The following NRG1 variants were observed in gnomAD, a reference collection of about 807,000 sequenced individuals.
NRG1 encodes pro-neuregulin-1, membrane-bound isoform.
Under a neutral mutation model 63.8 loss-of-function variants are expected in NRG1, and 18 were observed. The ratio of observed to expected loss-of-function variants is 0.28; its 90% CI spans 0.19 to 0.42. The LOEUF (loss-of-function observed/expected upper bound fraction) is 0.42, where lower values mean the gene tolerates loss of function less well. NRG1 is among the 10% of genes least tolerant of loss of function. NRG1 has a pLI of 1.00. For synonymous variants in NRG1, 302 were observed against 301.3 expected, an observed-to-expected ratio of 1.00 and a Z score of -0.02; for missense variants, 762 against 814.7, an observed-to-expected ratio of 0.94 and a Z score of 0.79.
intron 1 of NRG1, among the ~76,000 whole-genome samples, chr8:32,426,178 A>G (rs974770222): frequency 6.6e-6 from 1 of 152,170 alleles, no homozygotes; most frequent in African/African-American, 2.4e-5. Context: ...AGGTAACTTC[A>G]TTTAGGGCAA....
At chr8:32,203,878 T>C (rs553954338) in intron 1 of NRG1, among the ~76,000 whole-genome samples, 1 of 152,146 alleles carries the variant, frequency 6.6e-6, no homozygotes, top group East Asian at 1.9e-4. Context: ...GATCCAGTAA[T>C]ACCCATGGAT....
intron 1 of NRG1, among the ~76,000 whole-genome samples, chr8:31,802,908 A>G (rs1821926893): frequency 6.6e-6 from 1 of 152,220 alleles, no homozygotes; most frequent in African/African-American, 2.4e-5. Flanking sequence ...AGAAGGAAAT[A>G]AACAATTTTT....
intron 1 of NRG1, among the ~76,000 whole-genome samples, chr8:32,025,873 G>A (rs1179326117): frequency 6.7e-5 from 10 of 149,784 alleles, no homozygotes; most frequent in South Asian, 2.1e-4. Flanking sequence ...GTGAACCCGG[G>A]AGGCGGAGCT....
intron 2 of NRG1, among the ~76,000 whole-genome samples, chr8:32,600,192 C>T (rs143585710): frequency 1.6e-3 from 242 of 152,042 alleles, no homozygotes; most frequent in African/African-American, 5.6e-3. Context: ...ATCTCTTGAG[C>T]GCAGGAGTTC....
chr8:32,633,850 G>A (rs115716371), intron 5 of NRG1, among the ~76,000 whole-genome samples: 146 of 152,086 alleles, frequency 9.6e-4, no homozygotes, highest in African/African-American at 3.2e-3. Flanking sequence ...TTAAGGCCGG[G>A]AGCAGTAGTC....
intron 1 of NRG1, among the ~76,000 whole-genome samples, chr8:32,245,645 T>C (rs1848525546): frequency 6.6e-6 from 1 of 152,146 alleles, no homozygotes; most frequent in Admixed American, 6.6e-5. Flanking sequence ...CCTCTTTTGA[T>C]CAAAAATAAT....
intron 5 of NRG1, chr8:32,647,049 A>G: frequency 1.0e-6 from 1 of 956,962 alleles, no homozygotes; most frequent in South Asian, 4.8e-5. Flanking sequence ...GGTGGGGTGG[A>G]GGCAGGGCGG....
chr8:32,738,219 G>C (rs1034302289), intron 6 of NRG1, among the ~76,000 whole-genome samples: 1 of 152,072 alleles, frequency 6.6e-6, no homozygotes, highest in Admixed American at 6.5e-5. Flanking sequence ...GGCAAGGAGA[G>C]AATTCTCCCC....
chr8:32,172,926 A>G (rs1404792401), intron 1 of NRG1, among the ~76,000 whole-genome samples: 3 of 152,238 alleles, frequency 2.0e-5, no homozygotes, highest in Non-Finnish European at 4.4e-5. Context: ...GCAGGATATT[A>G]TCCAGGAGAA....
intron 1 of NRG1, among the ~76,000 whole-genome samples, chr8:32,526,538 G>C (rs1196223679): frequency 6.6e-6 from 1 of 152,150 alleles, no homozygotes; most frequent in Non-Finnish European, 1.5e-5. Flanking sequence ...AGGCAGATTA[G>C]AGGCTATTTT....
chr8:32,611,507 A>T (rs1846352765), intron 3 of NRG1, among the ~76,000 whole-genome samples: 1 of 152,098 alleles, frequency 6.6e-6, no homozygotes, highest in African/African-American at 2.4e-5. Flanking sequence ...AATACATGAG[A>T]ACAATATGAA....
At chr8:31,910,386 A>G (rs1459554080) in intron 1 of NRG1, among the ~76,000 whole-genome samples, 1 of 152,202 alleles carries the variant, frequency 6.6e-6, no homozygotes. Flanking sequence ...GTCTGTTCTC[A>G]GTGCAACAAT....
chr8:32,644,814 TTC>T (rs1554616179), intron 5 of NRG1, among the ~76,000 whole-genome samples: 1 of 152,050 alleles, frequency 6.6e-6, no homozygotes, highest in East Asian at 1.9e-4. Context: ...TTTTTTTTTT[TTC>T]TGCTGAATAT....
intron 1 of NRG1, among the ~76,000 whole-genome samples, chr8:32,316,916 T>C (rs1269174495): frequency 1.3e-5 from 2 of 152,144 alleles, no homozygotes; most frequent in Non-Finnish European, 2.9e-5. Flanking sequence ...GAATAGGTAC[T>C]TTCAGACAGA....
At position 31,674,529 on chromosome 8, in the gene NRG1, C is replaced by T. The variant is rs972149139; in HGVS notation, c.37+35098C>T. ...AGTATATTTTATTTTGATGGATCCCCGTTTATCTTTCATCTATGCATCTGG... is the reference window on the plus strand; with the variant it reads ...AGTATATTTTATTTTGATGGATCCCTGTTTATCTTTCATCTATGCATCTGG... On this transcript the variant is annotated intron_variant, in intron 1 of 10. Transcript: ENST00000519301. Among the ~76,000 whole-genome samples the T allele has an allele frequency of 2.7e-4, 41 of 150,604 alleles. 1 individual carries two copies. Among genetic ancestry groups the T allele is most frequent in the African/African-American group, 9.3e-4 (38 of 40,954 alleles).
intron 1 of NRG1, among the ~76,000 whole-genome samples, chr8:32,292,772 A>G (rs1854351551): frequency 6.6e-6 from 1 of 152,228 alleles, no homozygotes; most frequent in African/African-American, 2.4e-5. Context: ...AGTTACACAG[A>G]CACTAACATT....
intron 1 of NRG1, among the ~76,000 whole-genome samples, chr8:31,856,710 T>G (rs1369302087): frequency 6.6e-6 from 1 of 152,162 alleles, no homozygotes; most frequent in African/African-American, 2.4e-5. Flanking sequence ...AGTTTCCAGT[T>G]TTTCTGCTCT....
chr8:32,344,395 T>TTTCTTTCTTTCTTTCTTCCTCTTTC (rs1804552888), intron 1 of NRG1, among the ~76,000 whole-genome samples: 2 of 124,202 alleles, frequency 1.6e-5, no homozygotes, highest in Admixed American at 8.4e-5. Flanking sequence ...TTTCTTTCTT[T>TTTCTTTCTTTCTTTCTTCCTCTTTC]TTTGTGCATG....
At chr8:32,285,094 T>A (rs1168222152) in intron 1 of NRG1, among the ~76,000 whole-genome samples, 2 of 152,184 alleles carry the variant, frequency 1.3e-5, no homozygotes, top group Non-Finnish European at 2.9e-5. Flanking sequence ...GACTGCTTGA[T>A]CTTTCCTCAC....
Sources: allele counts gnomAD v4.1 joint callset (sites outside exome capture counted in the v4.1 genomes callset), GRCh38; gene constraint gnomAD v4.1.1; transcripts MANE v1.5; gene names NCBI Gene and HGNC (gene_info 2026-07-23, HGNC 2026-07-21).